Variants in MYO16 observed in about 807,000 individuals in gnomAD.
The protein encoded by MYO16 is unconventional myosin-XVI.
In MYO16, 94 loss-of-function variants were observed where a neutral mutation model predicts 205.3. The observed-to-expected ratio is 0.46, with a 90% CI of 0.39 to 0.54. The LOEUF is 0.54. MYO16 is among the 20% of genes least tolerant of loss of function. The pLI is 0.00. For missense variants in MYO16, 2,315 were observed against 2,387.5 expected (o/e 0.97, Z 0.63); for synonymous variants, 988 against 954.0 (o/e 1.04, Z -0.66).
At chr13:109,007,309 A>G (rs1885424158) in intron 21 of MYO16, among the ~76,000 whole-genome samples, 1 of 150,890 alleles carries the variant, frequency 6.6e-6, no homozygotes, top group Admixed American at 6.6e-5. Flanking sequence ...AATGGTGTGA[A>G]CCCGTGAGGC....
chr13:108,753,910 C>T lies in MYO16; in HGVS notation c.507+26327C>T, dbSNP rs115214898. Among the ~76,000 whole-genome samples the T allele has an allele frequency of 5.0e-3, 768 of 152,332 alleles. 5 individuals are homozygous for T. Among genetic ancestry groups the T allele is most frequent in the African/African-American group, 0.017 (715 of 41,568 alleles). ...CTTTGAGGATTTGGCTGATCTCAGA[C>T]AGTTGACAATGTGTGTGTGTTGATA... is the stretch of plus-strand genomic sequence containing the variant. On this transcript the variant is annotated intron_variant, in intron 4 of 34. Transcript: ENST00000457511.
chr13:108,716,437 T>C (rs1369160660), intron 3 of MYO16, among the ~76,000 whole-genome samples: 1 of 152,168 alleles, frequency 6.6e-6, no homozygotes, highest in Non-Finnish European at 1.5e-5. Context: ...GGAGGATGAA[T>C]CTGGAGGACG....
chr13:109,156,647 T>G (rs1350857978), intron 32 of MYO16, among the ~76,000 whole-genome samples: 3 of 152,158 alleles, frequency 2.0e-5, no homozygotes, highest in Admixed American at 6.5e-5. Context: ...TGGGGAAACA[T>G]TCCATGGCTC....
chr13:108,587,977 G>A, the MYO16 span, among the ~76,000 whole-genome samples: 2 of 146,326 alleles, frequency 1.4e-5, no homozygotes, highest in African/African-American at 5.6e-5. Context: ...GTTTGCAAAT[G>A]TAATGCAAGT....
intron 4 of MYO16, among the ~76,000 whole-genome samples, chr13:108,741,383 G>T (rs1884905885): frequency 6.6e-6 from 1 of 152,086 alleles, no homozygotes; most frequent in Non-Finnish European, 1.5e-5. Flanking sequence ...GCACATCAAA[G>T]CCTTCTCAAT....
intron 16 of MYO16, among the ~76,000 whole-genome samples, chr13:108,937,980 A>G (rs368648854): frequency 6.6e-6 from 1 of 152,140 alleles, no homozygotes; most frequent in African/African-American, 2.4e-5. Flanking sequence ...GAATTATTGC[A>G]GTGGTTTCTT....
At chr13:108,741,478 A>G (rs1389631218) in intron 4 of MYO16, among the ~76,000 whole-genome samples, 1 of 152,146 alleles carries the variant, frequency 6.6e-6, no homozygotes, top group Non-Finnish European at 1.5e-5. Context: ...CACTACAAAG[A>G]CCACAGAAAG....
At chr13:109,147,086 A>C (rs1446509527) in intron 32 of MYO16, among the ~76,000 whole-genome samples, 1 of 152,082 alleles carries the variant, frequency 6.6e-6, no homozygotes, top group Non-Finnish European at 1.5e-5. Flanking sequence ...CGACACAAAC[A>C]AAATAATTCT....
chr13:108,749,007 A>G (rs1036539128), intron 4 of MYO16, among the ~76,000 whole-genome samples: 1 of 152,044 alleles, frequency 6.6e-6, no homozygotes, highest in Non-Finnish European at 1.5e-5. Flanking sequence ...CAAGTATCTG[A>G]TAATACTCTT....
At chr13:109,001,430 C>T (rs546606062) in intron 21 of MYO16, among the ~76,000 whole-genome samples, 19 of 152,162 alleles carry the variant, frequency 1.2e-4, no homozygotes, top group African/African-American at 4.6e-4. Context: ...ATTAGCTTAT[C>T]GGCAGAGGTA....
chr13:108,967,626 A>T (rs1165934824), intron 20 of MYO16, among the ~76,000 whole-genome samples: 4 of 152,216 alleles, frequency 2.6e-5, no homozygotes, highest in African/African-American at 9.6e-5. Context: ...ATTGAAACAC[A>T]CTGAAATTTT....
chr13:108,985,204 G>A lies in MYO16; in HGVS notation c.2370-7172G>A, dbSNP rs148325268. Among the ~76,000 whole-genome samples, 516 of 152,300 alleles carry A rather than the reference G, an allele frequency of 3.4e-3. 4 individuals are homozygous for A. The highest frequency in any genetic ancestry group is 0.012 in the African/African-American group (482 of 41,556). ...TTGAGATAGCAAGTACAAACCACAC[G>A]TAGTGGACAGCTGAGTTGACTTCAC... On this transcript the variant is annotated intron_variant, in intron 20 of 34. Coordinates refer to ENST00000457511, the MANE Select transcript of MYO16 (RefSeq NM_001198950.3).
intron 1 of MYO16, among the ~76,000 whole-genome samples, chr13:108,614,709 C>G (rs1426108061): frequency 6.6e-6 from 1 of 152,022 alleles, no homozygotes; most frequent in Non-Finnish European, 1.5e-5. Context: ...AGTGCCAAGA[C>G]TATTCTATGG....
At chr13:108,726,105 C>T (rs990262375) in intron 3 of MYO16, among the ~76,000 whole-genome samples, 9 of 152,146 alleles carry the variant, frequency 5.9e-5, no homozygotes, top group African/African-American at 9.7e-5. Context: ...TATTGATTGA[C>T]ATTCCTTTGG....
chr13:108,826,368 C>G (rs1876264923), intron 9 of MYO16, among the ~76,000 whole-genome samples: 2 of 152,050 alleles, frequency 1.3e-5, no homozygotes, highest in Admixed American at 1.3e-4. Context: ...TGGATATTCA[C>G]ATGCAAAATA....
intron 2 of MYO16, among the ~76,000 whole-genome samples, chr13:108,667,453 A>G (rs895813478): frequency 2.0e-5 from 3 of 151,470 alleles, no homozygotes; most frequent in Non-Finnish European, 4.4e-5. Flanking sequence ...ATTGTATCAT[A>G]TTTTCTGGAA....
At chr13:108,779,773 A>G (rs1443779653) in intron 4 of MYO16, 4 of 152,220 alleles carry the variant, frequency 2.6e-5, no homozygotes, top group African/African-American at 4.8e-5. Flanking sequence ...AAGAACCACA[A>G]GAAGCCCCTT....
At chr13:108,741,033 A>G (rs1370497008) in intron 4 of MYO16, among the ~76,000 whole-genome samples, 1 of 152,088 alleles carries the variant, frequency 6.6e-6, no homozygotes, top group Non-Finnish European at 1.5e-5. Flanking sequence ...GCTGTCTGTC[A>G]TGGCTTCCCT....
intron 32 of MYO16, among the ~76,000 whole-genome samples, chr13:109,151,110 G>A (rs1024206099): frequency 3.9e-5 from 6 of 152,116 alleles, no homozygotes; most frequent in Admixed American, 1.3e-4. Context: ...CCAGTGTTTA[G>A]GCTCCTTATG....
Sources: allele counts gnomAD v4.1 joint callset (sites outside exome capture counted in the v4.1 genomes callset), GRCh38; gene constraint gnomAD v4.1.1; transcripts MANE v1.5; gene names NCBI Gene and HGNC (gene_info 2026-07-23, HGNC 2026-07-21).